Variants in ARHGAP21 observed in about 807,000 individuals in gnomAD.
ARHGAP21 encodes rho GTPase-activating protein 21.
ARHGAP21 carries 38 observed loss-of-function variants against 164.6 expected under a neutral mutation model. That is an observed-to-expected ratio of 0.23 (90% CI 0.18 to 0.30). The LOEUF is 0.30. ARHGAP21 is among the 10% of genes least tolerant of loss of function. ARHGAP21 has a pLI of 1.00. For missense variants in ARHGAP21, 1,822 were observed against 2,370.7 expected (o/e 0.77, Z 4.81); for synonymous variants, 766 against 857.9 (o/e 0.89, Z 1.87).
At chr10:24,626,044 C>T (rs1835109562) in intron 7 of ARHGAP21, among the ~76,000 whole-genome samples, 1 of 152,164 alleles carries the variant, frequency 6.6e-6, no homozygotes, top group Non-Finnish European at 1.5e-5. Flanking sequence ...TTATACCAGA[C>T]ATGCTGTTTA....
chr10:24,628,971 TATATATATA>T (rs1233498399), intron 7 of ARHGAP21: 31 of 18,950 alleles, frequency 1.6e-3, no homozygotes, highest in Non-Finnish European at 2.5e-3. Context: ...TATATATATA[TATATATATA>T]TATTTTTTTT....
chr10:24,681,673 T>C (rs542501577), intron 2 of ARHGAP21, among the ~76,000 whole-genome samples: 1 of 152,194 alleles, frequency 6.6e-6, no homozygotes, highest in Non-Finnish European at 1.5e-5. Context: ...TCAATATTAA[T>C]AATACCACTT....
intron 4 of ARHGAP21, among the ~76,000 whole-genome samples, chr10:24,664,380 C>T (rs1349245541): frequency 6.6e-6 from 1 of 151,780 alleles, no homozygotes; most frequent in Non-Finnish European, 1.5e-5. Context: ...CATGGTGAAA[C>T]CCCGTTTCTA....
In ARHGAP21 at chr10:24,670,162, G is replaced by T. The variant is rs770547427; in HGVS notation, c.243+56C>A. The T allele has an allele frequency of 1.4e-4, 177 of 1,263,956 alleles. 1 individual carries two copies. Among genetic ancestry groups the T allele is most frequent in the Admixed American group, 8.9e-4 (38 of 42,554 alleles). The allele number at this position is 1,263,956 out of a possible 1,614,324, so 78.3% of individuals were successfully genotyped here. A position where few individuals can be genotyped will look rare whatever the true frequency, so the allele number is the denominator to read the frequency against. ...GGAAGGGTAAGAGGAAGACTAGAAG[G>T]GGATAGGAATGGCCTTGTGGTTTTT... On this transcript the variant is annotated intron_variant, in intron 3 of 25. Coordinates refer to ENST00000396432, the MANE Select transcript of ARHGAP21 (RefSeq NM_020824.4).
intron 4 of ARHGAP21, among the ~76,000 whole-genome samples, chr10:24,655,460 A>G (rs1183503708): frequency 3.3e-5 from 5 of 152,154 alleles, no homozygotes; most frequent in Admixed American, 1.3e-4. Context: ...AGTGGGCAAA[A>G]GATATGAACA....
intron 25 of ARHGAP21, among the ~76,000 whole-genome samples, chr10:24,586,418 C>T (rs760082628): frequency 8.5e-5 from 13 of 152,198 alleles, no homozygotes; most frequent in Non-Finnish European, 1.2e-4. Context: ...ACCTGACCTT[C>T]CCTCCTTCCA....
chr10:24,657,875 C>G, intron 4 of ARHGAP21, among the ~76,000 whole-genome samples: 1 of 129,578 alleles, frequency 7.7e-6, no homozygotes, highest in South Asian at 2.9e-4. Flanking sequence ...GAGTCATCAC[C>G]AATCCCTAAT....
rs985663992 is a variant in ARHGAP21, at chr10:24,626,378, T to C, written c.496-3616A>G. ...TGAATGAGTTAGGAGATGGGGCCTC[T>C]GGGAGATGATTAGGTCATGAGGGTA... On this transcript the variant is annotated intron_variant, in intron 7 of 25. Transcript: ENST00000396432. Among the ~76,000 whole-genome samples, 11 of 152,292 alleles carry C rather than the reference T, an allele frequency of 7.2e-5. No homozygotes were observed. In the East Asian group the frequency reaches 2.1e-3, roughly 29 times the overall value.
At chr10:24,701,349 T>C (rs1843655461) in intron 2 of ARHGAP21, among the ~76,000 whole-genome samples, 1 of 152,080 alleles carries the variant, frequency 6.6e-6, no homozygotes, top group Non-Finnish European at 1.5e-5. Context: ...TTTCCTGAAA[T>C]GGACTTATAC....
At chr10:24,635,566 A>G (rs1836294370) in intron 4 of ARHGAP21, among the ~76,000 whole-genome samples, 1 of 151,744 alleles carries the variant, frequency 6.6e-6, no homozygotes, top group South Asian at 2.1e-4. Context: ...TGTTTTTTTG[A>G]GATGGAGTCT....
At position 24,620,254 on chromosome 10, in the gene ARHGAP21, T is replaced by C. The variant is rs866197030; in HGVS notation, c.1641A>G (p.Gln547=). ...AACCTCGAAAAGATTTATGAATTTC[T>C]TGCTGCCTAGGTCTTTCACAAATAC... The part of the protein sequence containing the change: ...RRGICERPRQ[Q]EIHKSFRGSN... Residue 547 remains glutamine, a synonymous_variant, in exon 9 of 26, where the codon CAA becomes CAG. Transcript: ENST00000396432. 2.5e-6 allele frequency: 4 copies of C among 1,613,880 alleles called. No homozygotes were observed. Among genetic ancestry groups the C allele is most frequent in the African/African-American group, 2.7e-5 (2 of 74,930 alleles).
At chr10:24,700,338 CAG>C (rs1367400752) in intron 2 of ARHGAP21, among the ~76,000 whole-genome samples, 4 of 152,118 alleles carry the variant, frequency 2.6e-5, no homozygotes, top group Non-Finnish European at 4.4e-5. Flanking sequence ...CAAGCACGTG[CAG>C]AGAGAGCACT....
chr10:24,602,465 T>C (rs2076853284), intron 12 of ARHGAP21, among the ~76,000 whole-genome samples: 1 of 152,134 alleles, frequency 6.6e-6, no homozygotes, highest in African/African-American at 2.4e-5. Context: ...AGGGCTACTC[T>C]GAAGAAATAA....
At chr10:24,628,540 G>A (rs962974485) in intron 7 of ARHGAP21, among the ~76,000 whole-genome samples, 1 of 151,656 alleles carries the variant, frequency 6.6e-6, no homozygotes, top group East Asian at 1.9e-4. Flanking sequence ...ACGACAAAGA[G>A]TCCATCAGCT....
chr10:24,607,315 A>ATGTT (rs2077069309), intron 11 of ARHGAP21, 184 bp downstream of exon 11: 1 of 603,578 alleles, frequency 1.7e-6, no homozygotes. Flanking sequence ...TTTTTCTACC[A>ATGTT]TGTTTGTGTG....
intron 2 of ARHGAP21, among the ~76,000 whole-genome samples, chr10:24,685,535 T>C (rs1367080180): frequency 1.3e-5 from 2 of 152,232 alleles, no homozygotes; most frequent in Admixed American, 6.5e-5. Context: ...GATTATCATT[T>C]AGTGCAACAA....
intron 2 of ARHGAP21, among the ~76,000 whole-genome samples, chr10:24,714,915 A>G (rs889488549): frequency 5.3e-5 from 8 of 152,068 alleles, no homozygotes; most frequent in African/African-American, 1.9e-4. Flanking sequence ...CTGTAGTCCC[A>G]GCTACTCGGG....
intron 2 of ARHGAP21, among the ~76,000 whole-genome samples, chr10:24,706,313 C>G (rs1163073204): frequency 3.3e-5 from 5 of 152,046 alleles, no homozygotes; most frequent in Non-Finnish European, 7.4e-5. Flanking sequence ...TAAGAATTAA[C>G]TTAATTCTTT....
intron 14 of ARHGAP21, among the ~76,000 whole-genome samples, chr10:24,598,276 T>C (rs1234037479): frequency 6.6e-6 from 1 of 152,242 alleles, no homozygotes; most frequent in Non-Finnish European, 1.5e-5. Flanking sequence ...TGTTCAATAC[T>C]TATTGAATTG....
Sources: gnomAD v4.1 joint callset for allele counts (sites outside exome capture counted in the v4.1 genomes callset) on GRCh38, gnomAD v4.1.1 for gene constraint, MANE v1.5 for transcripts, NCBI Gene and HGNC (gene_info 2026-07-23, HGNC 2026-07-21) for gene names.